The following INTS4 variants were observed in gnomAD, a reference collection of about 807,000 sequenced individuals.
The protein encoded by INTS4 is integrator complex subunit 4.
In INTS4, 70 loss-of-function variants were observed where a neutral mutation model predicts 119.5. That is an observed-to-expected ratio of 0.59 (90% confidence interval 0.48 to 0.71). The LOEUF is 0.71. Among genes scored for constraint, INTS4 ranks in the 30% least tolerant of loss-of-function variants. The pLI is 0.00. For missense variants in INTS4, 867 were observed against 1,173.2 expected, an observed-to-expected ratio of 0.74 and a Z score of 3.81; for synonymous variants, 316 against 419.6, an observed-to-expected ratio of 0.75 and a Z score of 3.02.
chr11:77,877,721 G>A (rs1951637064), downstream of INTS4, among the ~76,000 whole-genome samples: 1 of 151,980 alleles, frequency 6.6e-6, no homozygotes, highest in African/African-American at 2.4e-5. Context: ...AACCTCTCTG[G>A]AGCACTGACT....
chr11:77,922,244 AAAG>A, intron 13 of INTS4, 109 bp downstream of exon 13: 8 of 1,406,296 alleles, frequency 5.7e-6, no homozygotes, highest in East Asian at 2.6e-5. Context: ...AAAAAAAAAA[AAAG>A]AAAGAAAAGC....
chr11:77,971,896 C>T (rs1411782637), intron 4 of INTS4, among the ~76,000 whole-genome samples: 1 of 152,126 alleles, frequency 6.6e-6, no homozygotes, highest in Non-Finnish European at 1.5e-5. Flanking sequence ...ATAATTTTAG[C>T]TCACATATAT....
At position 77,878,876 on chromosome 11, in the gene INTS4, G is replaced by A; in HGVS notation, c.*73C>T. Reference sequence around the variant, plus strand: ...AGCCTACACATCAATTCCAGGTGAAGTGCTTCAGGCTTGGCTCATTCTGAC... The same window carrying A: ...AGCCTACACATCAATTCCAGGTGAAATGCTTCAGGCTTGGCTCATTCTGAC... On this transcript the variant is annotated 3_prime_UTR_variant, in exon 23 of 23. Transcript: ENST00000534064. 9.2e-7 allele frequency: 1 copy of A among 1,084,490 alleles called. No homozygotes were observed. The highest frequency in any genetic ancestry group is 1.4e-6 in the Non-Finnish European group (1 of 701,386). 67.2% of individuals were successfully genotyped at this position (1,084,490 alleles called of 1,614,324 possible). A position where few individuals can be genotyped will look rare whatever the true frequency, so the allele number is the denominator to read the frequency against.
chr11:77,947,116 A>C (rs1461094255), intron 8 of INTS4, among the ~76,000 whole-genome samples: 1 of 151,440 alleles, frequency 6.6e-6, no homozygotes, highest in Non-Finnish European at 1.5e-5. Flanking sequence ...AGAGGAAAAA[A>C]AAAAAACAAG....
chr11:77,960,295 T>A lies in INTS4; in HGVS notation c.708+46A>T, dbSNP rs754643418. Reference sequence around the variant, plus strand: ...AGAACCTGTGTGCCGCCCTCCCAGCTTCATGATACCTCCAACCCCTTCCAG... The same window carrying A: ...AGAACCTGTGTGCCGCCCTCCCAGCATCATGATACCTCCAACCCCTTCCAG... On this transcript the variant is annotated intron_variant, in intron 6 of 22. Coordinates refer to ENST00000534064, the MANE Select transcript of INTS4 (RefSeq NM_033547.4). 22 of 1,429,994 alleles carry A rather than the reference T, an allele frequency of 1.5e-5. No individual in the cohort carries two copies. The Admixed American group carries it at 3.7e-4, about 24-fold the overall frequency. 88.6% of individuals were successfully genotyped at this position (1,429,994 alleles called of 1,614,324 possible).
At chr11:77,902,780 T>G (rs538534609) in intron 17 of INTS4, among the ~76,000 whole-genome samples, 147 of 152,202 alleles carry the variant, frequency 9.7e-4, no homozygotes, top group African/African-American at 3.4e-3. Flanking sequence ...AATACTCAGG[T>G]GCAAAGGGGA....
chr11:77,936,450 A>G (rs1953792511), intron 10 of INTS4, among the ~76,000 whole-genome samples: 1 of 152,096 alleles, frequency 6.6e-6, no homozygotes, highest in South Asian at 2.1e-4. Flanking sequence ...TTGTGTGATC[A>G]TGGCTCCCTG....
intron 18 of INTS4, among the ~76,000 whole-genome samples, chr11:77,896,889 C>T (rs1952549349): frequency 6.7e-6 from 1 of 150,280 alleles, no homozygotes; most frequent in Non-Finnish European, 1.5e-5. Context: ...AAAGAAAACA[C>T]ATACCTAGAC....
At chr11:77,904,365 G>GT (rs1308062693) in intron 16 of INTS4, among the ~76,000 whole-genome samples, 1 of 152,164 alleles carries the variant, frequency 6.6e-6, no homozygotes, top group Non-Finnish European at 1.5e-5. Context: ...TTACAAAGAT[G>GT]TAAGTTAATT....
At chr11:77,954,774 T>C (rs1366328871) in intron 8 of INTS4, among the ~76,000 whole-genome samples, 1 of 152,184 alleles carries the variant, frequency 6.6e-6, no homozygotes, top group African/African-American at 2.4e-5. Context: ...GCAGTAATAC[T>C]TGCTCATCTA....
At chr11:77,901,688 A>T (rs1268720954) in intron 17 of INTS4, 137 bp from the exon 18 acceptor site, 1 of 662,184 alleles carries the variant, frequency 1.5e-6, no homozygotes, top group Non-Finnish European at 2.6e-6. Flanking sequence ...AAGTGTTGAA[A>T]GAAATTAGTA....
intron 11 of INTS4, 65 bp downstream of exon 11, chr11:77,928,277 A>G: frequency 6.4e-7 from 1 of 1,556,854 alleles, no homozygotes; most frequent in South Asian, 1.1e-5. Flanking sequence ...TGCCTAGCAC[A>G]ATACCTGATT....
At chr11:77,959,383 T>C (rs1477227311) in intron 6 of INTS4, among the ~76,000 whole-genome samples, 1 of 152,132 alleles carries the variant, frequency 6.6e-6, no homozygotes, top group African/African-American at 2.4e-5. Flanking sequence ...ACTTTTATAC[T>C]CAACACACGC....
Position 77,922,412 on chromosome 11 carries a change from A to T in INTS4, c.1574T>A (p.Leu525His). 1 of 1,502,612 alleles carries T rather than the reference A, an allele frequency of 6.7e-7. No individual in the cohort carries two copies. The highest frequency in any genetic ancestry group is 8.9e-7 in the Non-Finnish European group (1 of 1,124,768). The allele number at this position is 1,502,612 out of a possible 1,614,324, so 93.1% of individuals were successfully genotyped here. A position where few individuals can be genotyped will look rare whatever the true frequency, so the allele number is the denominator to read the frequency against. The change falls in exon 13 of 23, where the codon CTT (leucine) becomes CAT (histidine). Residue 525 changes from leucine to histidine, a missense_variant. Leu to His is a moderately conservative substitution (Grantham distance 99, BLOSUM62 -3). Coordinates refer to ENST00000534064, the MANE Select transcript of INTS4 (RefSeq NM_033547.4). ...GTCAAAAAATGGGTGGGTGCTCAGA[A>T]GCTCTGGCACCAAGGGAAGCACCAG... ...PTLVLPLVPE[L>H]LSTHPFFDTA...
rs182742424 is a variant in INTS4 at position 77,920,954 on chromosome 11, C to T, written c.1764+386G>A. On this transcript the variant is annotated intron_variant, in intron 14 of 22. Transcript: ENST00000534064. The stretch of plus-strand genomic sequence containing the variant: ...ATTGTTCCAGGTTCCTTTCTTCTTG[C>T]CTAATATCAATAACCCAGGGACACC... Among the ~76,000 whole-genome samples, 82 of 151,482 alleles carry T rather than the reference C, an allele frequency of 5.4e-4. No individual in the cohort carries two copies. In the East Asian group the frequency reaches 0.015, roughly 27 times the overall value.
intron 8 of INTS4, among the ~76,000 whole-genome samples, chr11:77,941,899 C>G (rs1382075621): frequency 6.6e-6 from 1 of 151,988 alleles, no homozygotes; most frequent in Non-Finnish European, 1.5e-5. Flanking sequence ...TATATTAGTC[C>G]CATTTTATAT....
chr11:77,961,624 T>C lies in INTS4; in HGVS notation c.472-486A>G, dbSNP rs137867292. ...ACCAACACTCCAGAAATATCCCTCA[T>C]TCCTCCTCCCAGCAACAACCTCACC... On this transcript the variant is annotated intron_variant, in intron 4 of 22. Coordinates refer to ENST00000534064, the MANE Select transcript of INTS4 (RefSeq NM_033547.4). Among the ~76,000 whole-genome samples the C allele has an allele frequency of 5.7e-3, 874 of 152,270 alleles. 6 individuals are homozygous for C. The highest frequency in any genetic ancestry group is 0.019 in the African/African-American group (796 of 41,566).
intron 9 of INTS4, 103 bp downstream of exon 9, chr11:77,941,077 T>A: frequency 1.4e-6 from 2 of 1,467,694 alleles, no homozygotes; most frequent in Non-Finnish European, 1.8e-6. Flanking sequence ...AGTTATCATG[T>A]TAATTTAACA....
chr11:77,944,938 A>T (rs930538938), intron 8 of INTS4, among the ~76,000 whole-genome samples: 19 of 152,232 alleles, frequency 1.2e-4, no homozygotes, highest in African/African-American at 4.3e-4. Flanking sequence ...ATTTGTTTAA[A>T]AAAAAATGGC....
Sources: gnomAD v4.1 joint callset for allele counts (sites outside exome capture counted in the v4.1 genomes callset) on GRCh38, gnomAD v4.1.1 for gene constraint, MANE v1.5 for transcripts, NCBI Gene and HGNC (gene_info 2026-07-23, HGNC 2026-07-21) for gene names.